The following PPIP5K2 variants were observed in gnomAD, a reference collection of about 807,000 sequenced individuals.
PPIP5K2 encodes the protein inositol hexakisphosphate and diphosphoinositol-pentakisphosphate kinase 2.
In PPIP5K2, 105 loss-of-function variants were observed where a neutral mutation model predicts 154.6. The observed-to-expected ratio is 0.68, with a 90% CI of 0.58 to 0.80. The LOEUF (loss-of-function observed/expected upper bound fraction) is 0.80. Among genes scored for constraint, PPIP5K2 ranks in the 30% least tolerant of loss-of-function variants. PPIP5K2 has a pLI of 0.00. For missense variants in PPIP5K2, 992 were observed against 1,504.6 expected (o/e 0.66, Z 5.64); for synonymous variants, 480 against 490.3 (o/e 0.98, Z 0.28).
rs1803398924 is a variant in PPIP5K2 at position 103,204,607 on chromosome 5, GCTCATGGGAATAATTTTTACA to G, written c.*2977_*2997del. The stretch of plus-strand genomic sequence containing the variant: ...CTATAGGTGCGTGCCACCACACCCA[GCTCATGGGAATAATTTTTACA>G]CTCCTTCAGAAGGAGTCATTTGTGA... On this transcript the variant is annotated 3_prime_UTR_variant, in exon 31 of 31. Coordinates refer to ENST00000358359, the MANE Select transcript of PPIP5K2 (RefSeq NM_001276277.3). 1 of 152,098 alleles carries G rather than the reference GCTCATGGGAATAATTTTTACA, an allele frequency of 6.6e-6. No homozygotes were observed. Among genetic ancestry groups the G allele is most frequent in the South Asian group, 2.1e-4 (1 of 4,826 alleles). The allele number at this position is 152,098 out of a possible 1,614,324, so 9.4% of individuals were successfully genotyped here. A position where few individuals can be genotyped will look rare whatever the true frequency, so the allele number is the denominator to read the frequency against.
chr5:103,164,304 CCATTGTTAAGATTT>C, intron 17 of PPIP5K2, among the ~76,000 whole-genome samples: 1 of 151,736 alleles, frequency 6.6e-6, no homozygotes, highest in African/African-American at 2.4e-5. Flanking sequence ...TTTCAAAGAA[CCATTGTTAAGATTT>C]GTTAGGTCTC....
rs1002811554 is a variant in PPIP5K2 at position 103,149,184 on chromosome 5, T to C, written c.777T>C (p.Ala259=). The C allele has an allele frequency of 9.3e-6, 15 of 1,613,868 alleles. No homozygotes were observed. The highest frequency in any genetic ancestry group is 1.2e-5 in the Non-Finnish European group (14 of 1,179,878). ...VYTVGPDYAH[A]EARKSPALDG... ...CAGTGGGTCCAGATTATGCCCATGCTGAAGCTCGAAAATCTCCAGCACTTG... is the reference window on the plus strand; with the variant it reads ...CAGTGGGTCCAGATTATGCCCATGCCGAAGCTCGAAAATCTCCAGCACTTG... The change falls in exon 8 of 31, where the codon GCT becomes GCC. Residue 259 remains alanine, a synonymous_variant. Transcript: ENST00000358359.
At chr5:103,121,988 T>G (rs1453797747) in intron 1 of PPIP5K2, among the ~76,000 whole-genome samples, 1 of 152,222 alleles carries the variant, frequency 6.6e-6, no homozygotes, top group African/African-American at 2.4e-5. Flanking sequence ...ATTGTGGTTA[T>G]GTAGGAAGGT....
chr5:103,169,943 A>C (rs782050752), intron 19 of PPIP5K2, among the ~76,000 whole-genome samples: 1 of 151,628 alleles, frequency 6.6e-6, no homozygotes, highest in South Asian at 2.1e-4. Context: ...TGTATCACCT[A>C]CTCAGAGGCT....
intron 30 of PPIP5K2, among the ~76,000 whole-genome samples, chr5:103,200,405 A>G (rs1554229869): frequency 6.6e-6 from 1 of 151,516 alleles, no homozygotes; most frequent in African/African-American, 2.4e-5. Context: ...GTTATTCCAT[A>G]TTATTCCCTT....
chr5:103,179,622 A>G (rs1554221950), intron 23 of PPIP5K2, among the ~76,000 whole-genome samples: 2 of 152,148 alleles, frequency 1.3e-5, no homozygotes, highest in Non-Finnish European at 2.9e-5. Flanking sequence ...ATATATAAAT[A>G]CAAGTGCTGT....
chr5:103,141,849 A>T (rs1792740516), intron 5 of PPIP5K2, among the ~76,000 whole-genome samples: 1 of 151,896 alleles, frequency 6.6e-6, no homozygotes, highest in Admixed American at 6.6e-5. Flanking sequence ...TACAGAGTGT[A>T]GATTGGTGCA....
At position 103,180,159 on chromosome 5, in the gene PPIP5K2, C is replaced by G; in HGVS notation, c.2893C>G (p.Pro965Ala). 6.3e-7 allele frequency: 1 copy of G among 1,595,138 alleles called. No individual in the cohort carries two copies. Among genetic ancestry groups the G allele is most frequent in the Non-Finnish European group, 8.5e-7 (1 of 1,172,856 alleles). The change falls in exon 24 of 31, where the codon CCA becomes GCA. Residue 965 changes from proline to alanine, a missense_variant. By Grantham distance (27) the Pro-to-Ala change is conservative. This residue lies in a region of PPIP5K2 where 204 missense variants were observed against 224.0 expected (regional missense o/e 0.91). Coordinates refer to ENST00000358359, the MANE Select transcript of PPIP5K2 (RefSeq NM_001276277.3). ...TCATATACACAGGAAGTCTCCACTT[C>G]CAAGATCTAGGAAGACGGCTACAAA... is the stretch of plus-strand genomic sequence containing the variant. ...PIHIHRKSPL[P>A]RSRKTATNDE...
intron 5 of PPIP5K2, among the ~76,000 whole-genome samples, chr5:103,145,373 T>C (rs1051455338): frequency 4.6e-5 from 7 of 152,062 alleles, no homozygotes; most frequent in African/African-American, 7.2e-5. Context: ...AGCTACCATA[T>C]GATCTTGCAA....
At chr5:103,146,951 A>G (rs1793850654) in intron 6 of PPIP5K2, among the ~76,000 whole-genome samples, 1 of 151,968 alleles carries the variant, frequency 6.6e-6, no homozygotes. Flanking sequence ...GTCAAACTAG[A>G]AATTCACTTA....
intron 26 of PPIP5K2, among the ~76,000 whole-genome samples, chr5:103,185,560 A>T (rs543664173): frequency 6.6e-6 from 1 of 152,178 alleles, no homozygotes; most frequent in East Asian, 1.9e-4. Flanking sequence ...ACTCCTTCTT[A>T]TTGATGTATC....
In PPIP5K2 at chr5:103,120,307, G is replaced by T. The variant is rs1490561633; in HGVS notation, c.-466G>T. ...TGACGGAGATTCCTGAGGTGTAGTA[G>T]CCTGAGGTTCCCTTATGTGGCCCTA... On this transcript the variant is annotated 5_prime_UTR_variant, in exon 1 of 31. Coordinates refer to ENST00000358359, the MANE Select transcript of PPIP5K2 (RefSeq NM_001276277.3). The T allele has an allele frequency of 1.9e-5, 8 of 411,072 alleles. No homozygotes were observed. The highest frequency in any genetic ancestry group is 3.5e-5 in the Non-Finnish European group (7 of 199,952). 25.5% of individuals were successfully genotyped at this position (411,072 alleles called of 1,614,324 possible).
intron 21 of PPIP5K2, among the ~76,000 whole-genome samples, chr5:103,174,874 C>T (rs1201682167): frequency 2.0e-5 from 3 of 151,946 alleles, no homozygotes; most frequent in Admixed American, 6.6e-5. Flanking sequence ...CAAAATCTGC[C>T]ACAGTGATAC....
At chr5:103,186,531 C>T in intron 27 of PPIP5K2, 92 bp downstream of exon 27, 1 of 1,537,448 alleles carries the variant, frequency 6.5e-7, no homozygotes, top group Non-Finnish European at 8.9e-7. Context: ...AGGCCACTGA[C>T]TGATTCGAGT....
At chr5:103,172,133 A>G (rs115491305) in intron 19 of PPIP5K2, among the ~76,000 whole-genome samples, 1 of 151,776 alleles carries the variant, frequency 6.6e-6, no homozygotes, top group Admixed American at 6.6e-5. Context: ...TTAAAAAAAA[A>G]TTATTTCCCT....
chr5:103,126,414 A>G (rs930688130), intron 1 of PPIP5K2, among the ~76,000 whole-genome samples: 3 of 152,124 alleles, frequency 2.0e-5, no homozygotes, highest in African/African-American at 4.8e-5. Flanking sequence ...TTTTTCCCCG[A>G]AAGTTGATTT....
chr5:103,143,036 A>T (rs1793112116), intron 5 of PPIP5K2, among the ~76,000 whole-genome samples: 1 of 152,206 alleles, frequency 6.6e-6, no homozygotes, highest in South Asian at 2.1e-4. Flanking sequence ...TAGAGTTTTT[A>T]AAATTTTCTT....
Position 103,202,803 on chromosome 5 carries a change from C to T in PPIP5K2, c.*1169C>T, listed in dbSNP as rs1035447509. ...AAATGGGACAATCTGATAAGAATTT[C>T]ATGCATTGGTAGTTAAATAACTTAA... On this transcript the variant is annotated 3_prime_UTR_variant, in exon 31 of 31. Transcript: ENST00000358359. The T allele has an allele frequency of 4.6e-5, 7 of 152,096 alleles. No homozygotes were observed. Among genetic ancestry groups the T allele is most frequent in the East Asian group, 3.9e-4 (2 of 5,194 alleles). The allele number at this position is 152,096 out of a possible 1,614,324, so 9.4% of individuals were successfully genotyped here. A position where few individuals can be genotyped will look rare whatever the true frequency, so the allele number is the denominator to read the frequency against.
intron 14 of PPIP5K2, among the ~76,000 whole-genome samples, chr5:103,157,709 A>AG (rs1396391454): frequency 1.3e-5 from 2 of 151,950 alleles, no homozygotes; most frequent in East Asian, 3.9e-4. Flanking sequence ...CTCAAAAAAA[A>AG]AAAACAAAAA....
Sources: gnomAD v4.1 joint callset for allele counts (sites outside exome capture counted in the v4.1 genomes callset) on GRCh38, gnomAD v4.1.1 for gene constraint, gnomAD v4.1.1 regional missense constraint, MANE v1.5 for transcripts, NCBI Gene and HGNC (gene_info 2026-07-23, HGNC 2026-07-21) for gene names.